Variants in TRIP11 observed in about 807,000 individuals in gnomAD.
The protein encoded by TRIP11 is thyroid receptor-interacting protein 11.
TRIP11 carries 148 observed loss-of-function variants against 223.1 expected under a neutral mutation model. That is an observed-to-expected ratio of 0.66 (90% CI 0.58 to 0.76). The LOEUF (loss-of-function observed/expected upper bound fraction) is 0.76. TRIP11 is among the 30% of genes least tolerant of loss of function. The pLI is 0.00. For synonymous variants in TRIP11, 762 were observed against 772.6 expected (o/e 0.99, Z 0.23); for missense variants, 2,043 against 2,222.0 (o/e 0.92, Z 1.62).
At chr14:91,994,010 CA>C in intron 14 of TRIP11, 98 bp from the exon 15 acceptor site, 1 of 863,914 alleles carries the variant, frequency 1.2e-6, no homozygotes. Flanking sequence ...GAAAACAGTT[CA>C]AATGTCTCAA....
intron 1 of TRIP11, among the ~76,000 whole-genome samples, chr14:92,036,690 C>T (rs2057328977): frequency 6.6e-6 from 1 of 152,172 alleles, no homozygotes; most frequent in African/African-American, 2.4e-5. Context: ...AGGGTAAACA[C>T]TAATAAATAC....
chr14:91,988,504 T>G, intron 15 of TRIP11, 121 bp from the exon 16 acceptor site: 1 of 808,572 alleles, frequency 1.2e-6, no homozygotes. Flanking sequence ...CTCTATGACC[T>G]TGGGCAAATG....
intron 14 of TRIP11, among the ~76,000 whole-genome samples, chr14:91,994,843 A>C (rs1042392296): frequency 1.3e-5 from 2 of 152,216 alleles, no homozygotes; most frequent in Non-Finnish European, 2.9e-5. Context: ...GTCTCCAAAA[A>C]AGCACCTTCC....
In TRIP11 at chr14:92,032,767, A is replaced by G. The variant is rs570769200; in HGVS notation, c.201+425T>C. 9.7e-4 allele frequency among the ~76,000 whole-genome samples: 146 copies of G among 149,818 alleles called. 3 individuals are homozygous for G. In the South Asian group the frequency reaches 0.03, roughly 31 times the overall value. ...AGAATTGCTTGAACCCAGGAGGTGG[A>G]GGTTGTAGTGAGCCAAGATAGTGCC... On this transcript the variant is annotated intron_variant, in intron 2 of 20. Transcript: ENST00000267622.
chr14:91,980,990 T>TTATATATATATATATATATA (rs200939525), intron 16 of TRIP11, among the ~76,000 whole-genome samples: 5 of 75,346 alleles, frequency 6.6e-5, no homozygotes, highest in African/African-American at 2.6e-4. Flanking sequence ...TATATGTATA[T>TTATATATATATATATATATA]TATATATATA....
Position 92,021,769 on chromosome 14 carries a change from C to CCT in TRIP11, c.374_375insAG (p.Ser126GlyfsTer43), listed in dbSNP as rs1422649280. On this transcript the variant is annotated frameshift_variant, in exon 4 of 21. Coordinates refer to ENST00000267622, the MANE Select transcript of TRIP11 (RefSeq NM_004239.4). LOFTEE classifies it high-confidence loss of function. ...CTGAAGGTACTGACTGAGCAGCTGACTGCAGTTTCAGCAACTGATCCTGGA... is the reference window on the plus strand; with the variant it reads ...CTGAAGGTACTGACTGAGCAGCTGACCTTGCAGTTTCAGCAACTGATCCTGGA... 6.2e-7 allele frequency: 1 copy of CCT among 1,614,182 alleles called. No homozygotes were observed. The highest frequency in any genetic ancestry group is 2.2e-5 in the East Asian group (1 of 44,878).
At chr14:92,029,509 T>G (rs1409109347) in intron 2 of TRIP11, among the ~76,000 whole-genome samples, 6 of 152,024 alleles carry the variant, frequency 3.9e-5, no homozygotes, top group Non-Finnish European at 7.4e-5. Flanking sequence ...TCGGTCAGGC[T>G]GGTCTCGAAC....
chr14:92,017,344 C>T (rs1293960590), intron 5 of TRIP11, among the ~76,000 whole-genome samples: 1 of 152,086 alleles, frequency 6.6e-6, no homozygotes, highest in East Asian at 1.9e-4. Flanking sequence ...AAGTTCCAGA[C>T]CAGCCTGGGC....
chr14:91,981,874 G>A (rs1375214292), intron 16 of TRIP11, among the ~76,000 whole-genome samples: 1 of 151,862 alleles, frequency 6.6e-6, no homozygotes, highest in Non-Finnish European at 1.5e-5. Flanking sequence ...TAGCACTTTG[G>A]GAAGCCAAGG....
Position 91,992,876 on chromosome 14 carries a change from T to C in TRIP11, c.5160+933A>G, listed in dbSNP as rs557073523. The stretch of plus-strand genomic sequence containing the variant: ...GTGAGCCGAGATCGCGCTACTGCAC[T>C]CCAGCATGGGCAACAGAGCGAGACT... On this transcript the variant is annotated intron_variant, in intron 15 of 20. Coordinates refer to ENST00000267622, the MANE Select transcript of TRIP11 (RefSeq NM_004239.4). Among the ~76,000 whole-genome samples, 406 of 112,414 alleles carry C rather than the reference T, an allele frequency of 3.6e-3. 2 individuals are homozygous for C. Among genetic ancestry groups the C allele is most frequent in the Non-Finnish European group, 3.8e-3 (230 of 60,798 alleles). 73.7% of individuals were successfully genotyped at this position (112,414 alleles called of 152,430 possible).
In TRIP11 at chr14:92,005,953, C is replaced by T. The variant is rs1470735205; in HGVS notation, c.2023G>A (p.Val675Ile). 6.2e-7 allele frequency: 1 copy of T among 1,612,992 alleles called. No individual in the cohort carries two copies. Among genetic ancestry groups the T allele is most frequent in the South Asian group, 1.1e-5 (1 of 90,698 alleles). The change falls in exon 11 of 21, where the codon GTC becomes ATC. Residue 675 changes from valine (V) to isoleucine (I), a missense_variant. Val to Ile is a conservative substitution (Grantham distance 29). Coordinates refer to ENST00000267622, the MANE Select transcript of TRIP11 (RefSeq NM_004239.4). ...ACTAACTTTTCATTTTCCATTTTGA[C>T]ATCAAAAGCAACTTTCTTTAAATTT... Reference protein sequence around the residue: ...NENLKKVAFDVKMENEKLVLA... With the variant: ...NENLKKVAFDIKMENEKLVLA...
chr14:92,008,580 G>A (rs1024792329), intron 9 of TRIP11, among the ~76,000 whole-genome samples: 1 of 152,140 alleles, frequency 6.6e-6, no homozygotes, highest in Non-Finnish European at 1.5e-5. Context: ...TCAGAAGTGG[G>A]ACAGTTCTCT....
At chr14:92,035,597 A>G (rs1225137658) in intron 1 of TRIP11, among the ~76,000 whole-genome samples, 1 of 135,864 alleles carries the variant, frequency 7.4e-6, no homozygotes, top group Non-Finnish European at 1.6e-5. Flanking sequence ...TTTTTTTTTG[A>G]GACAGAGTCT....
Position 92,039,768 on chromosome 14 carries a change from T to C in TRIP11, c.-83A>G. 6.4e-7 allele frequency: 1 copy of C among 1,554,794 alleles called. No homozygotes were observed. On this transcript the variant is annotated 5_prime_UTR_variant, in exon 1 of 21. Transcript: ENST00000267622. ...GCCGGGCGATCCGACCAAATATCCTTGAACGCCTGCCTTCGCGAGACAGGA... is the reference window on the plus strand; with the variant it reads ...GCCGGGCGATCCGACCAAATATCCTCGAACGCCTGCCTTCGCGAGACAGGA...
At chr14:91,972,577 T>C in intron 20 of TRIP11, 140 bp downstream of exon 20, 1 of 791,300 alleles carries the variant, frequency 1.3e-6, no homozygotes, top group Non-Finnish European at 1.9e-6. Context: ...TGGAAAAGCC[T>C]GATGCCTTAT....
chr14:92,023,423 C>T (rs1434681344), intron 3 of TRIP11, among the ~76,000 whole-genome samples: 1 of 152,202 alleles, frequency 6.6e-6, no homozygotes, highest in East Asian at 1.9e-4. Context: ...CCCACAGGTA[C>T]GTGTGAAAGT....
Position 92,037,286 on chromosome 14 carries a change from T to C in TRIP11, c.139+2261A>G, listed in dbSNP as rs571978897. Among the ~76,000 whole-genome samples, 35 of 152,290 alleles carry C rather than the reference T, an allele frequency of 2.3e-4. No individual in the cohort carries two copies. In the South Asian group the frequency reaches 4.4e-3, roughly 19 times the overall value. On this transcript the variant is annotated intron_variant, in intron 1 of 20. Transcript: ENST00000267622. This position sits in a 1 kb window ranked among gnomAD's most constrained non-coding sequence, Gnocchi z 4.2. ...TTATAACTCAACATGTTAAATGCTGTCAGGGAGAGATCCACAAAGTTCTGT... is the reference window on the plus strand; with the variant it reads ...TTATAACTCAACATGTTAAATGCTGCCAGGGAGAGATCCACAAAGTTCTGT...
intron 3 of TRIP11, among the ~76,000 whole-genome samples, chr14:92,024,410 CT>C (rs1170544193): frequency 1.3e-5 from 2 of 151,692 alleles, no homozygotes; most frequent in Non-Finnish European, 2.9e-5. Context: ...GCAACTTTGC[CT>C]TTTTTAGTAT....
chr14:91,967,135 C>CTTTTTTTTTTT lies in TRIP11; in HGVS notation c.*2527_*2537dup, dbSNP rs547805058. Reference sequence around the variant, plus strand: ...ACAATGAAAACATTAGGTACTATAGCTTTTTTTTTTTTTTTTTTTTTTTTG... The same window carrying CTTTTTTTTTTT: ...ACAATGAAAACATTAGGTACTATAGCTTTTTTTTTTTTTTTTTTTTTTTTTTTTTTTTTTTG... On this transcript the variant is annotated 3_prime_UTR_variant, in exon 21 of 21. Coordinates refer to ENST00000267622, the MANE Select transcript of TRIP11 (RefSeq NM_004239.4). The CTTTTTTTTTTT allele has an allele frequency of 1.3e-3, 110 of 85,558 alleles. 7 individuals carry two copies. The highest frequency in any genetic ancestry group is 9.7e-3 in the South Asian group (21 of 2,170). The allele number at this position is 85,558 out of a possible 1,614,324, so 5.3% of individuals were successfully genotyped here. A position where few individuals can be genotyped will look rare whatever the true frequency, so the allele number is the denominator to read the frequency against.
Sources: allele counts gnomAD v4.1 joint callset (sites outside exome capture counted in the v4.1 genomes callset), GRCh38; gene constraint gnomAD v4.1.1; non-coding constraint Gnocchi (gnomAD v3.1); transcripts MANE v1.5; gene names NCBI Gene and HGNC (gene_info 2026-07-23, HGNC 2026-07-21).